TYW1: variants seen among roughly 807,000 people sequenced by gnomAD.
TYW1 encodes tRNA-yW synthesizing protein 1 homolog.
In TYW1, 46 loss-of-function variants were observed where a neutral mutation model predicts 96.2. The ratio of observed to expected loss-of-function variants is 0.48; its 90% CI spans 0.38 to 0.61. The LOEUF (loss-of-function observed/expected upper bound fraction) is 0.61. TYW1 is among the 20% of genes least tolerant of loss of function. The probability of loss-of-function intolerance (pLI) is 0.00; values close to 1 mark genes in which losing one functional copy is unlikely to be tolerated. For synonymous variants in TYW1, 274 were observed against 323.0 expected (o/e 0.85, Z 1.63); for missense variants, 684 against 909.6 (o/e 0.75, Z 3.19).
chr7:67,081,943 C>G (rs1302686020), intron 10 of TYW1, among the ~76,000 whole-genome samples: 1 of 148,762 alleles, frequency 6.7e-6, no homozygotes, highest in Non-Finnish European at 1.5e-5. Context: ...TCATCGAATT[C>G]CTCACCTTCA....
At position 67,061,550 on chromosome 7, in the gene TYW1, G is replaced by A. The variant is rs180783417; in HGVS notation, c.1155+5663G>A. 4.0e-3 allele frequency among the ~76,000 whole-genome samples: 603 copies of A among 152,256 alleles called. 3 individuals carry two copies. Among genetic ancestry groups the A allele is most frequent in the Admixed American group, 0.025 (375 of 15,280 alleles). ...AAGGATCTTTGGCCTTCCAGGAAGT[G>A]ACCATTTTTACTGACTCACTGGAAG... On this transcript the variant is annotated intron_variant, in intron 9 of 15. Coordinates refer to ENST00000359626, the MANE Select transcript of TYW1 (RefSeq NM_018264.4).
At chr7:67,065,512 T>C (rs1287649536) in intron 9 of TYW1, among the ~76,000 whole-genome samples, 3 of 152,250 alleles carry the variant, frequency 2.0e-5, no homozygotes, top group Non-Finnish European at 4.4e-5. Context: ...TTTTCAGTGC[T>C]ATTTACAAGA....
rs187376603 is a variant in TYW1, at chr7:67,036,741, G to A, written c.984+11719G>A. On this transcript the variant is annotated intron_variant, in intron 7 of 15. Transcript: ENST00000359626. ...GATTTCAATTTGAGATGGCCAAAGA[G>A]AAGACAGGATTCTTCAGCGGAAAAG... Among the ~76,000 whole-genome samples the A allele has an allele frequency of 3.3e-5, 5 of 152,386 alleles. No individual in the cohort carries two copies. In the East Asian group the frequency reaches 9.6e-4, roughly 29 times the overall value.
chr7:67,225,528 AC>A (rs1399001299), intron 15 of TYW1, among the ~76,000 whole-genome samples: 1 of 151,772 alleles, frequency 6.6e-6, no homozygotes, highest in Non-Finnish European at 1.5e-5. Context: ...AGCTATCACC[AC>A]CCCCACACCC....
intron 7 of TYW1, among the ~76,000 whole-genome samples, chr7:67,029,384 T>C (rs1013677615): frequency 1.5e-4 from 15 of 102,070 alleles, no homozygotes; most frequent in South Asian, 9.2e-4. Flanking sequence ...TGTGTGTGCG[T>C]GTGTGTGTGT....
At position 66,997,134 on chromosome 7, in the gene TYW1, G is replaced by A; in HGVS notation, c.4+152G>A. 6 of 1,448,176 alleles carry A rather than the reference G, an allele frequency of 4.1e-6. No individual in the cohort carries two copies. The South Asian group carries it at 7.6e-5, about 18-fold the overall frequency. 89.7% of individuals were successfully genotyped at this position (1,448,176 alleles called of 1,614,324 possible). A position where few individuals can be genotyped will look rare whatever the true frequency, so the allele number is the denominator to read the frequency against. On this transcript the variant is annotated intron_variant, in intron 1 of 15. Transcript: ENST00000359626. ...GGCTAGTCGCCGCTGAGAGCAAGGA[G>A]GACTGATCCCTACTTTTGACCTGGC... is the stretch of plus-strand genomic sequence containing the variant.
chr7:67,112,700 C>T (rs1797463253), intron 12 of TYW1, among the ~76,000 whole-genome samples: 1 of 151,958 alleles, frequency 6.6e-6, no homozygotes, highest in South Asian at 2.1e-4. Flanking sequence ...GTAAGTATGT[C>T]TCCCAACTTA....
At chr7:67,171,250 T>C (rs1229345884) in intron 13 of TYW1, among the ~76,000 whole-genome samples, 2 of 152,168 alleles carry the variant, frequency 1.3e-5, no homozygotes, top group African/African-American at 2.4e-5. Flanking sequence ...TTCTCCACTT[T>C]CATTTCTGAT....
Position 67,238,882 on chromosome 7 carries a change from G to A in TYW1, c.*353G>A, listed in dbSNP as rs1045064. The A allele has an allele frequency of 0.25, 267,093 of 1,081,700 alleles. 34,018 individuals carry two copies. The highest frequency in any genetic ancestry group is 0.36 in the African/African-American group (22,138 of 61,100). 67.0% of individuals were successfully genotyped at this position (1,081,700 alleles called of 1,614,324 possible). ...CCCGAGAGTGTCAGACAAGGAAGAA[G>A]TCCCTGGGCCTCTTCCCCTTACCCG... is the stretch of plus-strand genomic sequence containing the variant. On this transcript the variant is annotated 3_prime_UTR_variant, in exon 16 of 16. Transcript: ENST00000359626.
intron 11 of TYW1, among the ~76,000 whole-genome samples, chr7:67,086,727 A>G (rs1403271837): frequency 6.6e-6 from 1 of 152,168 alleles, no homozygotes; most frequent in Non-Finnish European, 1.5e-5. Flanking sequence ...CGGGCAATCT[A>G]CTTTACTGAA....
chr7:67,214,915 T>C (rs1419360090), intron 15 of TYW1, among the ~76,000 whole-genome samples: 1 of 151,928 alleles, frequency 6.6e-6, no homozygotes, highest in East Asian at 1.9e-4. Context: ...TAACATTTTA[T>C]TGATTTTACA....
At chr7:67,113,639 T>TTCTG in intron 12 of TYW1, among the ~76,000 whole-genome samples, 1 of 142,176 alleles carries the variant, frequency 7.0e-6, no homozygotes, top group South Asian at 2.2e-4. Flanking sequence ...CTTTTTCTTT[T>TTCTG]TCTTTCTTTT....
intron 13 of TYW1, among the ~76,000 whole-genome samples, chr7:67,178,076 A>T (rs1799734207): frequency 6.6e-6 from 1 of 150,648 alleles, no homozygotes; most frequent in Admixed American, 6.6e-5. Context: ...AGACAGGAGG[A>T]TCCCTTGAGA....
intron 13 of TYW1, among the ~76,000 whole-genome samples, chr7:67,149,457 T>C (rs1022778749): frequency 2.6e-5 from 4 of 152,200 alleles, no homozygotes; most frequent in African/African-American, 9.7e-5. Flanking sequence ...TTTGCCACTT[T>C]CCTAGGAATA....
At chr7:67,030,891 T>A (rs1009344373) in intron 7 of TYW1, among the ~76,000 whole-genome samples, 1 of 151,704 alleles carries the variant, frequency 6.6e-6, no homozygotes, top group Non-Finnish European at 1.5e-5. Context: ...ATAGATTACA[T>A]TACATCAAAT....
chr7:67,103,876 TAAAG>T (rs201281251), intron 12 of TYW1, among the ~76,000 whole-genome samples: 1 of 152,162 alleles, frequency 6.6e-6, no homozygotes, highest in Non-Finnish European at 1.5e-5. Flanking sequence ...CTGTAAGAAT[TAAAG>T]AAAGAAGAGA....
At chr7:67,180,424 A>ATATATATATATATATATATATT (rs1341437613) in intron 13 of TYW1, among the ~76,000 whole-genome samples, 43 of 81,896 alleles carry the variant, frequency 5.3e-4, no homozygotes, top group Non-Finnish European at 9.0e-4. Context: ...ATATATATAT[A>ATATATATATATATATATATATT]ATTTTTTTTT....
chr7:67,237,192 C>G (rs1019577598), intron 15 of TYW1, among the ~76,000 whole-genome samples: 3 of 146,598 alleles, frequency 2.0e-5, no homozygotes, highest in African/African-American at 7.7e-5. Flanking sequence ...GGCCATTAGT[C>G]GAAGTTTTTT....
chr7:67,053,380 CTT>C (rs35828058), intron 8 of TYW1, among the ~76,000 whole-genome samples: 27 of 134,338 alleles, frequency 2.0e-4, no homozygotes, highest in Non-Finnish European at 1.8e-4. Context: ...TAGTTTGTTT[CTT>C]TTTTTTTTTT....
Sources: gnomAD v4.1 joint callset for allele counts (sites outside exome capture counted in the v4.1 genomes callset) on GRCh38, gnomAD v4.1.1 for gene constraint, MANE v1.5 for transcripts, NCBI Gene and HGNC (gene_info 2026-07-23, HGNC 2026-07-21) for gene names.